The following FGGY variants were observed in gnomAD, a reference collection of about 807,000 sequenced individuals.
FGGY encodes FGGY carbohydrate kinase domain containing.
Under a neutral mutation model 71.3 loss-of-function variants are expected in FGGY, and 72 were observed. That is an observed-to-expected ratio of 1.01 (90% CI 0.84 to 1.23). The LOEUF (loss-of-function observed/expected upper bound fraction) is 1.23, where lower values mean the gene tolerates loss of function less well. Ranked by LOEUF, FGGY falls within the 50% of genes most tolerant of loss-of-function variation. The probability of loss-of-function intolerance (pLI) is 0.00; values close to 1 mark genes in which losing one functional copy is unlikely to be tolerated. For synonymous variants in FGGY, 251 were observed against 250.3 expected (o/e 1.00, Z -0.02); for missense variants, 668 against 682.3 (o/e 0.98, Z 0.23).
chr1:59,458,446 T>C (rs1451621687), intron 6 of FGGY, among the ~76,000 whole-genome samples: 1 of 152,250 alleles, frequency 6.6e-6, no homozygotes, highest in Non-Finnish European at 1.5e-5. Flanking sequence ...TCTGTAATGA[T>C]ATTTACTGAT....
At chr1:59,595,808 T>C (rs1452913251) in intron 8 of FGGY, among the ~76,000 whole-genome samples, 2 of 152,314 alleles carry the variant, frequency 1.3e-5, no homozygotes, top group South Asian at 4.1e-4. Context: ...TTCTTCCTTT[T>C]ATTCTTCTAA....
chr1:59,459,358 C>G (rs1191780523), intron 6 of FGGY, among the ~76,000 whole-genome samples: 1 of 152,150 alleles, frequency 6.6e-6, no homozygotes, highest in African/African-American at 2.4e-5. Context: ...TGCCTTCTTT[C>G]AAGGAGGTAT....
intron 2 of FGGY, among the ~76,000 whole-genome samples, chr1:59,332,672 GA>G (rs1188541549): frequency 2.0e-5 from 3 of 152,208 alleles, no homozygotes; most frequent in Non-Finnish European, 4.4e-5. Flanking sequence ...CTTTGTGACT[GA>G]AGGCCATGAT....
chr1:59,561,151 C>T (rs1278944628), intron 8 of FGGY, among the ~76,000 whole-genome samples: 2 of 152,162 alleles, frequency 1.3e-5, no homozygotes, highest in African/African-American at 4.8e-5. Context: ...GTCTCTTTAA[C>T]AAGTGACATT....
chr1:59,672,036 G>A (rs1320010939), intron 13 of FGGY, among the ~76,000 whole-genome samples: 1 of 152,146 alleles, frequency 6.6e-6, no homozygotes, highest in Non-Finnish European at 1.5e-5. Context: ...GTGTTTGGAG[G>A]CACTGTCTTC....
At chr1:59,664,440 T>A (rs1402138596) in intron 12 of FGGY, among the ~76,000 whole-genome samples, 1 of 152,224 alleles carries the variant, frequency 6.6e-6, no homozygotes, top group Non-Finnish European at 1.5e-5. Context: ...TGCCTCTCAT[T>A]CGGATCATTT....
chr1:59,579,610 G>C (rs369628357), intron 8 of FGGY, among the ~76,000 whole-genome samples: 6 of 151,818 alleles, frequency 4.0e-5, no homozygotes, highest in African/African-American at 1.5e-4. Context: ...TTCTCATATT[G>C]TGCTCCAGTA....
intron 11 of FGGY, among the ~76,000 whole-genome samples, chr1:59,645,382 C>T (rs977168754): frequency 2.0e-5 from 3 of 152,136 alleles, no homozygotes; most frequent in Non-Finnish European, 2.9e-5. Context: ...GGCTTTTGAA[C>T]CCTGAGCAGC....
chr1:59,734,397 G>T (rs2098080961), intron 14 of FGGY, among the ~76,000 whole-genome samples: 1 of 152,110 alleles, frequency 6.6e-6, no homozygotes, highest in African/African-American at 2.4e-5. Context: ...TAGAGACGGG[G>T]TTTTGCCACA....
chr1:59,494,781 T>C (rs1464099235), intron 6 of FGGY, among the ~76,000 whole-genome samples: 1 of 152,158 alleles, frequency 6.6e-6, no homozygotes, highest in Admixed American at 6.6e-5. Context: ...GTGTACACTT[T>C]GGGGTACTAG....
chr1:59,580,920 T>G (rs2096182079), intron 8 of FGGY, among the ~76,000 whole-genome samples: 1 of 152,312 alleles, frequency 6.6e-6, no homozygotes, highest in African/African-American at 2.4e-5. Context: ...AGTTTTTCTG[T>G]CCCTTGGCCT....
At chr1:59,608,361 A>G (rs2096643589) in intron 9 of FGGY, among the ~76,000 whole-genome samples, 1 of 152,062 alleles carries the variant, frequency 6.6e-6, no homozygotes, top group South Asian at 2.1e-4. Flanking sequence ...CAGCTTCTCC[A>G]TGCCTCCTGT....
intron 12 of FGGY, 178 bp downstream of exon 12, chr1:59,660,471 T>G (rs2097264403): frequency 2.2e-6 from 1 of 454,148 alleles, no homozygotes; most frequent in Non-Finnish European, 3.9e-6. Context: ...CCTCACCTGC[T>G]TTAACTAATA....
chr1:59,622,029 TC>T lies in FGGY; in HGVS notation c.1012-3958del, dbSNP rs1463882436. Among the ~76,000 whole-genome samples the T allele has an allele frequency of 3.2e-4, 48 of 152,050 alleles. No individual in the cohort carries two copies. The East Asian group carries it at 8.3e-3, about 26-fold the overall frequency. ...TTCATATTCTCTCTCTCTCTTTCTC[TC>T]TCTCTAAGTCTCCCAGTCTAAGTCT... is the stretch of plus-strand genomic sequence containing the variant. On this transcript the variant is annotated intron_variant, in intron 9 of 15. Transcript: ENST00000303721.
At chr1:59,361,287 C>T (rs371670107) in intron 4 of FGGY, among the ~76,000 whole-genome samples, 78 of 152,230 alleles carry the variant, frequency 5.1e-4, no homozygotes, top group African/African-American at 1.7e-3. Flanking sequence ...AGTCACTATT[C>T]CCAGGATGCT....
chr1:59,410,867 A>G (rs1445728497), intron 5 of FGGY, among the ~76,000 whole-genome samples: 4 of 152,240 alleles, frequency 2.6e-5, no homozygotes, highest in Admixed American at 6.5e-5. Context: ...GAATAATATA[A>G]TGAGTATCCA....
chr1:59,413,708 C>T (rs1434495168), intron 5 of FGGY, among the ~76,000 whole-genome samples: 1 of 152,172 alleles, frequency 6.6e-6, no homozygotes, highest in African/African-American at 2.4e-5. Context: ...TGACTGTAAT[C>T]CCAGCACTTT....
chr1:59,494,809 C>CA (rs2093981681), intron 6 of FGGY, among the ~76,000 whole-genome samples: 1 of 152,044 alleles, frequency 6.6e-6, no homozygotes, highest in Non-Finnish European at 1.5e-5. Context: ...TTTTAGGAAA[C>CA]AAAAATTCTT....
At chr1:59,587,315 C>G (rs1361891099) in intron 8 of FGGY, among the ~76,000 whole-genome samples, 4 of 152,052 alleles carry the variant, frequency 2.6e-5, no homozygotes, top group Non-Finnish European at 5.9e-5. Flanking sequence ...GTGGAGCCCA[C>G]CACAGCTCAA....
Sources: allele counts gnomAD v4.1 joint callset (sites outside exome capture counted in the v4.1 genomes callset), GRCh38; gene constraint gnomAD v4.1.1; transcripts MANE v1.5; gene names NCBI Gene and HGNC (gene_info 2026-07-23, HGNC 2026-07-21).